Variants in AARS2 observed in about 807,000 individuals in gnomAD.
AARS2 encodes alanine--tRNA ligase, mitochondrial.
Under a neutral mutation model 119.7 loss-of-function variants are expected in AARS2, and 78 were observed. The ratio of observed to expected loss-of-function variants is 0.65; its 90% CI spans 0.54 to 0.79. The LOEUF (loss-of-function observed/expected upper bound fraction) is 0.79. AARS2 is among the 30% of genes least tolerant of loss of function. AARS2 has a pLI of 0.00. For synonymous variants in AARS2, 502 were observed against 526.3 expected (o/e 0.95, Z 0.63); for missense variants, 1,157 against 1,291.3 (o/e 0.90, Z 1.59).
intron 9 of AARS2, 29 bp downstream of exon 9, chr6:44,306,251 C>T: frequency 4.4e-6 from 7 of 1,605,840 alleles, no homozygotes; most frequent in Non-Finnish European, 6.0e-6. Flanking sequence ...CAGCGAGCCC[C>T]TTGTGCATGG....
rs752090226 is a variant in AARS2 at position 44,301,199 on chromosome 6, G to A, written c.2750C>T (p.Pro917Leu). The change falls in exon 21 of 22, where the codon CCC becomes CTC. Residue 917 changes from proline (P) to leucine (L), a missense_variant. Pro to Leu is a moderately conservative substitution (Grantham distance 98). Coordinates refer to ENST00000244571, the MANE Select transcript of AARS2 (RefSeq NM_020745.4). ...APSTSVLLLS[P>L]QPMGKVLCAC... ...ACACAGCACCTTCCCCATGGGCTGGGGGCTGAGTAGGAGCACAGACGTGCT... is the reference window on the plus strand; with the variant it reads ...ACACAGCACCTTCCCCATGGGCTGGAGGCTGAGTAGGAGCACAGACGTGCT... 4 of 1,613,538 alleles carry A rather than the reference G, an allele frequency of 2.5e-6. No individual in the cohort carries two copies. In the African/African-American group the frequency reaches 5.3e-5, roughly 22 times the overall value.
rs369453852 is a variant in AARS2 at position 44,313,324 on chromosome 6, C to T, written c.-1G>A. 1 of 1,600,782 alleles carries T rather than the reference C, an allele frequency of 6.2e-7. No homozygotes were observed. Among genetic ancestry groups the T allele is most frequent in the Non-Finnish European group, 8.5e-7 (1 of 1,178,860 alleles). ...CTGCAGCTGCCACTGACGCTGCCAT[C>T]GTAGCTCCGGGCAGTGACTTTACGT... is the stretch of plus-strand genomic sequence containing the variant. On this transcript the variant is annotated 5_prime_UTR_variant, in exon 1 of 22. Coordinates refer to ENST00000244571, the MANE Select transcript of AARS2 (RefSeq NM_020745.4).
In AARS2 at chr6:44,303,354, C is replaced by T; in HGVS notation, c.2077G>A (p.Ala693Thr). The T allele has an allele frequency of 1.9e-6, 3 of 1,614,080 alleles. No homozygotes were observed. The East Asian group carries it at 6.7e-5, about 36-fold the overall frequency. ...AGGGGCACCTCCTCCATGTACACAGCCTCATCCTGCCCCACGGCCTCCTGC... is the reference window on the plus strand; with the variant it reads ...AGGGGCACCTCCTCCATGTACACAGTCTCATCCTGCCCCACGGCCTCCTGC... ...TVQEAVGQDE[A>T]VYMEEVPLAL... Residue 693 changes from alanine (A) to threonine (T), a missense_variant, in exon 15 of 22, where the codon GCT (alanine) becomes ACT (threonine). By Grantham distance (58) the Ala-to-Thr change is moderately conservative (BLOSUM62 0). Transcript: ENST00000244571.
Position 44,307,478 on chromosome 6 carries a change from C to T in AARS2, c.895-84G>A. 6.6e-7 allele frequency: 1 copy of T among 1,522,504 alleles called. No homozygotes were observed. Among genetic ancestry groups the T allele is most frequent in the Non-Finnish European group, 8.8e-7 (1 of 1,134,070 alleles). The allele number at this position is 1,522,504 out of a possible 1,614,324, so 94.3% of individuals were successfully genotyped here. A position where few individuals can be genotyped will look rare whatever the true frequency, so the allele number is the denominator to read the frequency against. On this transcript the variant is annotated intron_variant, in intron 5 of 21. Transcript: ENST00000244571. This position sits in a 1 kb window ranked among gnomAD's most constrained non-coding sequence, Gnocchi z 4.4. ...TTATCGCCTCTAGAGCATCTGCCCT[C>T]AGCCCTAAAGCCAACCACATCCAGA...
intron 9 of AARS2, 129 bp downstream of exon 9, chr6:44,306,151 G>A (rs1461155812): frequency 1.2e-5 from 11 of 922,800 alleles, no homozygotes; most frequent in Non-Finnish European, 1.4e-5. Context: ...GGAGAGTCCA[G>A]GGAGAAAGGA....
At chr6:44,312,965 C>T in intron 1 of AARS2, 116 bp downstream of exon 1, 1 of 1,500,786 alleles carries the variant, frequency 6.7e-7, no homozygotes, top group Admixed American at 1.9e-5. Flanking sequence ...AAGCACCGCC[C>T]TCTTTCCCCA....
intron 1 of AARS2, 88 bp from the exon 2 acceptor site, chr6:44,312,351 T>C: frequency 7.3e-7 from 1 of 1,378,874 alleles, no homozygotes; most frequent in Non-Finnish European, 1.0e-6. Flanking sequence ...GGGATGGCTG[T>C]TCAGACCGAA....
At position 44,313,150 on chromosome 6, in the gene AARS2, C is replaced by T. The variant is rs1170207370; in HGVS notation, c.174G>A (p.Leu58=). 5.0e-6 allele frequency: 8 copies of T among 1,613,010 alleles called. No homozygotes were observed. The highest frequency in any genetic ancestry group is 6.8e-6 in the Non-Finnish European group (8 of 1,179,770). The change falls in exon 1 of 22, where the codon CTG becomes CTA. Residue 58 remains leucine, a synonymous_variant. Coordinates refer to ENST00000244571, the MANE Select transcript of AARS2 (RefSeq NM_020745.4). Reference sequence around the variant, plus strand: ...GGGGCCGCACGGAAGCGGAGGGCACCAGCCGGTGGCCATGGCGGTCCCGAA... The same window carrying T: ...GGGGCCGCACGGAAGCGGAGGGCACTAGCCGGTGGCCATGGCGGTCCCGAA... ...NFFRDRHGHR[L]VPSASVRPRG...
In AARS2 at chr6:44,303,377, T is replaced by A. The variant is rs1785530798; in HGVS notation, c.2054A>T (p.Gln685Leu). The A allele has an allele frequency of 5.0e-6, 8 of 1,613,896 alleles. No individual in the cohort carries two copies. The highest frequency in any genetic ancestry group is 6.8e-6 in the Non-Finnish European group (8 of 1,180,020). The change falls in exon 15 of 22, where the codon CAG becomes CTG. Residue 685 changes from glutamine (Q) to leucine (L), a missense_variant. Transcript: ENST00000244571. ...EQLRAVENTV[Q>L]EAVGQDEAVY... ...AGCCTCATCCTGCCCCACGGCCTCC[T>A]GCACAGTGTTCTCCACTGCCCGGAG...
At chr6:44,301,537 T>C (rs1238331703) in intron 19 of AARS2, 73 bp from the exon 20 acceptor site, 17 of 1,399,202 alleles carry the variant, frequency 1.2e-5, no homozygotes, top group Non-Finnish European at 1.4e-5. Flanking sequence ...ACTTCTGAAC[T>C]AAGCCCCAGC....
Position 44,300,469 on chromosome 6 carries a change from A to G in AARS2, c.*78T>C. 1.9e-6 allele frequency: 3 copies of G among 1,597,700 alleles called. No individual in the cohort carries two copies. The highest frequency in any genetic ancestry group is 2.6e-6 in the Non-Finnish European group (3 of 1,166,806). On this transcript the variant is annotated 3_prime_UTR_variant, in exon 22 of 22. Transcript: ENST00000244571. ...TCCAGCCTCTAGTCCTCGCTTCAGC[A>G]TGTGGGAAGGTTCTGCTGGCTCCTT...
At chr6:44,306,881 T>C (rs1785903491) in intron 7 of AARS2, 42 bp downstream of exon 7, 1 of 1,584,374 alleles carries the variant, frequency 6.3e-7, no homozygotes, top group Non-Finnish European at 8.7e-7. Context: ...CTCCCCAAAG[T>C]GCCCAGGGAG....
In AARS2 at chr6:44,307,055, A is replaced by G. The variant is rs374208387; in HGVS notation, c.1041-24T>C. The stretch of plus-strand genomic sequence containing the variant: ...GCCTAAAGGGGTTCAGAGCCCAGAC[A>G]TGAATCCCCAGCGGCTCATGGTCAG... On this transcript the variant is annotated intron_variant, in intron 6 of 21. Coordinates refer to ENST00000244571, the MANE Select transcript of AARS2 (RefSeq NM_020745.4). This position sits in a 1 kb window ranked among gnomAD's most constrained non-coding sequence, Gnocchi z 4.4. 31 of 1,611,764 alleles carry G rather than the reference A, an allele frequency of 1.9e-5. No homozygotes were observed. The African/African-American group carries it at 3.2e-4, about 17-fold the overall frequency.
In AARS2 at chr6:44,299,011, C is replaced by T. The variant is rs548185310; in HGVS notation, c.*1536G>A. 2.0e-5 allele frequency among the ~76,000 whole-genome samples: 3 copies of T among 152,306 alleles called. No homozygotes were observed. Among genetic ancestry groups the T allele is most frequent in the East Asian group, 3.9e-4 (2 of 5,184 alleles). On this transcript the variant is annotated 3_prime_UTR_variant, in exon 22 of 22. Transcript: ENST00000244571. Reference sequence around the variant, plus strand: ...AATAAGCATATTGTTTGTCTGACCCCGCTCTCCAGCCTCCTCACCTGCCCC... The same window carrying T: ...AATAAGCATATTGTTTGTCTGACCCTGCTCTCCAGCCTCCTCACCTGCCCC...
At chr6:44,301,949 C>G in intron 19 of AARS2, 111 bp downstream of exon 19, 2 of 1,121,134 alleles carry the variant, frequency 1.8e-6, no homozygotes, top group East Asian at 5.1e-5. Flanking sequence ...GCTGCCACCA[C>G]CCCGTCCTTG....
At chr6:44,301,026 C>A in intron 21 of AARS2, 130 bp downstream of exon 21, 1 of 883,504 alleles carries the variant, frequency 1.1e-6, no homozygotes, top group Non-Finnish European at 1.7e-6. Context: ...CCATCCCTGT[C>A]CTGGAGTATC....
Position 44,305,732 on chromosome 6 carries a change from A to G in AARS2, c.1355T>C (p.Met452Thr). The change falls in exon 10 of 22, where the codon ATG becomes ACG. Residue 452 changes from methionine (M) to threonine (T), a missense_variant. Coordinates refer to ENST00000244571, the MANE Select transcript of AARS2 (RefSeq NM_020745.4). This position sits in a 1 kb window ranked among gnomAD's most constrained non-coding sequence, Gnocchi z 4.6. ...LCGDLGLPLDMVELMLEEKGV... is the reference protein window; with the variant it reads ...LCGDLGLPLDTVELMLEEKGV... The stretch of plus-strand genomic sequence containing the variant: ...TTTCTCCTCCAGCATCAGCTCTACC[A>G]TGTCCAAGGGGAGTCCCAGGTCTCC... 6.2e-7 allele frequency: 1 copy of G among 1,614,030 alleles called. No individual in the cohort carries two copies. Among genetic ancestry groups the G allele is most frequent in the Non-Finnish European group, 8.5e-7 (1 of 1,179,976 alleles).
At chr6:44,304,621 G>A in intron 12 of AARS2, 24 bp downstream of exon 12, 1 of 1,614,176 alleles carries the variant, frequency 6.2e-7, no homozygotes, top group Non-Finnish European at 8.5e-7. Context: ...ACAGAAATCA[G>A]CCTGGGTTGT....
In AARS2 at chr6:44,310,426, A is replaced by G; in HGVS notation, c.767T>C (p.Leu256Pro). The G allele has an allele frequency of 6.2e-7, 1 of 1,613,848 alleles. No homozygotes were observed. The highest frequency in any genetic ancestry group is 8.5e-7 in the Non-Finnish European group (1 of 1,179,932). Residue 256 changes from leucine to proline, a missense_variant, in exon 5 of 22, where the codon CTG becomes CCG. By Grantham distance (98) the Leu-to-Pro change is moderately conservative. Coordinates refer to ENST00000244571, the MANE Select transcript of AARS2 (RefSeq NM_020745.4). ...CACATGCCGCTGGGGCAGGGGCTGC[A>G]GGCTTCCATCTGCCTCTCTGGCCAG... The part of the protein sequence containing the change: ...MQHNREADGS[L>P]QPLPQRHVDT...
Sources: gnomAD v4.1 joint callset for allele counts (sites outside exome capture counted in the v4.1 genomes callset) on GRCh38, gnomAD v4.1.1 for gene constraint, Gnocchi (gnomAD v3.1) non-coding constraint, MANE v1.5 for transcripts, NCBI Gene and HGNC (gene_info 2026-07-23, HGNC 2026-07-21) for gene names.